USP8: variants seen among roughly 807,000 people sequenced by gnomAD.
USP8 encodes ubiquitin carboxyl-terminal hydrolase 8.
In USP8, 27 loss-of-function variants were observed where a neutral mutation model predicts 130.0. The observed-to-expected ratio is 0.21, with a 90% CI of 0.15 to 0.29. The LOEUF is 0.29. Among genes scored for constraint, USP8 ranks in the 10% least tolerant of loss-of-function variants. USP8 has a pLI of 1.00. For missense variants in USP8, 1,029 were observed against 1,312.2 expected (o/e 0.78, Z 3.33); for synonymous variants, 392 against 444.1 (o/e 0.88, Z 1.48).
intron 10 of USP8, among the ~76,000 whole-genome samples, chr15:50,479,931 G>A (rs959335332): frequency 6.6e-6 from 1 of 151,876 alleles, no homozygotes; most frequent in Non-Finnish European, 1.5e-5. Context: ...GCTAATTTTT[G>A]TATTTTTTTT....
Position 50,482,047 on chromosome 15 carries a change from G to A in USP8, c.1785G>A (p.Gly595=). 2 of 1,506,416 alleles carry A rather than the reference G, an allele frequency of 1.3e-6. No individual in the cohort carries two copies. Among genetic ancestry groups the A allele is most frequent in the Non-Finnish European group, 1.8e-6 (2 of 1,133,264 alleles). The allele number at this position is 1,506,416 out of a possible 1,614,324, so 93.3% of individuals were successfully genotyped here. The change falls in exon 11 of 20, where the codon GGG becomes GGA. Residue 595 remains glycine (G), a synonymous_variant. Transcript: ENST00000307179. ...TGDVPHTSVT[G]DSGSGKPFKI... ...ATGTGCCCCATACATCTGTGACAGG[G>A]GATTCAGGTTCAGGCAAGGTAAGCA... is the stretch of plus-strand genomic sequence containing the variant.
intron 11 of USP8, 92 bp downstream of exon 11, chr15:50,482,157 A>G (rs894723550): frequency 7.4e-6 from 9 of 1,217,820 alleles, no homozygotes; most frequent in Non-Finnish European, 9.9e-6. Flanking sequence ...AAGGGCAGGC[A>G]TTTCAAATAG....
Position 50,481,527 on chromosome 15 carries a change from G to A in USP8, c.1265G>A (p.Arg422Lys). The change falls in exon 11 of 20, where the codon AGA (arginine) becomes AAA (lysine). Residue 422 changes from arginine to lysine, a missense_variant. This residue lies in a region of USP8 where 486 missense variants were observed against 522.0 expected (regional missense o/e 0.93). Transcript: ENST00000307179. Reference protein sequence around the residue: ...KPAVKLPEEHRIKSESTNHEQ... With the variant: ...KPAVKLPEEHKIKSESTNHEQ... ...GCAGTCAAATTGCCTGAAGAGCATA[G>A]AATAAAATCTGAAAGTACAAACCAT... The A allele has an allele frequency of 6.2e-7, 1 of 1,609,242 alleles. No individual in the cohort carries two copies. The highest frequency in any genetic ancestry group is 1.1e-5 in the South Asian group (1 of 89,608).
At chr15:50,444,124 G>T (rs1349678085) in intron 3 of USP8, among the ~76,000 whole-genome samples, 3 of 134,260 alleles carry the variant, frequency 2.2e-5, no homozygotes, top group African/African-American at 2.8e-5. Flanking sequence ...TTTTTTTAAG[G>T]TGACAGTCTT....
At chr15:50,438,386 C>T (rs538731171) in intron 1 of USP8, among the ~76,000 whole-genome samples, 3 of 152,290 alleles carry the variant, frequency 2.0e-5, no homozygotes, top group African/African-American at 7.2e-5. Context: ...GAGTTTGAGA[C>T]CAGCCTGGCC....
intron 5 of USP8, among the ~76,000 whole-genome samples, chr15:50,460,970 A>G (rs143831305): frequency 6.6e-6 from 1 of 151,596 alleles, no homozygotes; most frequent in African/African-American, 2.4e-5. Flanking sequence ...CAGCCTGGGC[A>G]ACATGGAAAA....
chr15:50,424,694 T>C (rs1218365717), intron 1 of USP8, 180 bp downstream of exon 1: 11 of 393,452 alleles, frequency 2.8e-5, no homozygotes, highest in Non-Finnish European at 4.9e-5. Context: ...CAACCTTGAG[T>C]CTTTTACGCC....
At chr15:50,498,118 A>G (rs980590863) in intron 18 of USP8, among the ~76,000 whole-genome samples, 5 of 152,204 alleles carry the variant, frequency 3.3e-5, no homozygotes, top group Admixed American at 6.5e-5. Context: ...CAACCAAGAT[A>G]TCATTGTTTT....
rs923741782 is a variant in USP8 at position 50,508,550 on chromosome 15, CA to C, written c.*9463del. 1 of 152,002 alleles carries C rather than the reference CA, an allele frequency of 6.6e-6. No individual in the cohort carries two copies. Among genetic ancestry groups the C allele is most frequent in the Non-Finnish European group, 1.5e-5 (1 of 68,000 alleles). The allele number at this position is 152,002 out of a possible 1,614,324, so 9.4% of individuals were successfully genotyped here. On this transcript the variant is annotated 3_prime_UTR_variant, in exon 20 of 20. Coordinates refer to ENST00000307179, the MANE Select transcript of USP8 (RefSeq NM_005154.5). ...ATAGACTGAGTGTTAATACACTGGA[CA>C]CTCAGTTTAAAACATTAAAACATAA...
chr15:50,498,516 T>C, intron 18 of USP8, 80 bp from the exon 19 acceptor site: 1 of 1,460,456 alleles, frequency 6.8e-7, no homozygotes, highest in Non-Finnish European at 9.1e-7. Context: ...CAGTCCTGGC[T>C]AAAAATCTAG....
chr15:50,445,544 T>TCAAAAAAAAAAAAAAA (rs2050401758), intron 3 of USP8, among the ~76,000 whole-genome samples: 1 of 908 alleles, frequency 1.1e-3, no homozygotes, highest in African/African-American at 2.6e-3. Context: ...AGAGTCTGTC[T>TCAAAAAAAAAAAAAAA]CAAAAAAAAA....
chr15:50,456,367 C>T (rs559147787), intron 4 of USP8, among the ~76,000 whole-genome samples: 1 of 148,308 alleles, frequency 6.7e-6, no homozygotes, highest in East Asian at 2.0e-4. Flanking sequence ...GTCAGGAGTT[C>T]AAGACCGGCC....
At position 50,478,050 on chromosome 15, in the gene USP8, A is replaced by G. The variant is rs181325881; in HGVS notation, c.1218+551A>G. Reference sequence around the variant, plus strand: ...CAAGCCAGTTGGCGATCCATTTGCTACAAACAATGCCAATGAAAGATTGCA... The same window carrying G: ...CAAGCCAGTTGGCGATCCATTTGCTGCAAACAATGCCAATGAAAGATTGCA... On this transcript the variant is annotated intron_variant, in intron 10 of 19. Transcript: ENST00000307179. Among the ~76,000 whole-genome samples, 646 of 152,336 alleles carry G rather than the reference A, an allele frequency of 4.2e-3. 2 individuals carry two copies. Among genetic ancestry groups the G allele is most frequent in the Non-Finnish European group, 8.2e-3 (557 of 68,028 alleles).
At chr15:50,460,780 G>C (rs1229542673) in intron 5 of USP8, among the ~76,000 whole-genome samples, 2 of 152,096 alleles carry the variant, frequency 1.3e-5, no homozygotes, top group Non-Finnish European at 2.9e-5. Flanking sequence ...AAATCCATGG[G>C]AAAATTTCTG....
chr15:50,481,420 A>G lies in USP8; in HGVS notation c.1219-61A>G, dbSNP rs1244348397. On this transcript the variant is annotated intron_variant, in intron 10 of 19. Transcript: ENST00000307179. ...CTTCTTTTATCACAACTTGATCTCA[A>G]GAACTGAGGTTATTTCCTGATTTTT... The G allele has an allele frequency of 4.0e-6, 5 of 1,251,954 alleles. No homozygotes were observed. In the East Asian group the frequency reaches 1.3e-4, roughly 33 times the overall value. 77.6% of individuals were successfully genotyped at this position (1,251,954 alleles called of 1,614,324 possible). A position where few individuals can be genotyped will look rare whatever the true frequency, so the allele number is the denominator to read the frequency against.
chr15:50,428,032 C>G (rs772142169), intron 1 of USP8, among the ~76,000 whole-genome samples: 1 of 151,890 alleles, frequency 6.6e-6, no homozygotes, highest in Non-Finnish European at 1.5e-5. Context: ...TAATACCATA[C>G]TAATTCAAGT....
rs541947545 is a variant in USP8 at position 50,439,190 on chromosome 15, C to T, written c.104+13C>T. The T allele has an allele frequency of 1.4e-6, 2 of 1,402,124 alleles. No individual in the cohort carries two copies. The highest frequency in any genetic ancestry group is 2.6e-5 in the East Asian group (1 of 37,876). The allele number at this position is 1,402,124 out of a possible 1,614,324, so 86.9% of individuals were successfully genotyped here. ...TAAGCACTAAGAGGTATGATGTATC[C>T]TTCGCTAGTTTGATTGAATCAAATA... On this transcript the variant is annotated intron_variant, in intron 2 of 19. Coordinates refer to ENST00000307179, the MANE Select transcript of USP8 (RefSeq NM_005154.5).
chr15:50,450,723 G>C (rs776149611), intron 4 of USP8, among the ~76,000 whole-genome samples: 2 of 151,732 alleles, frequency 1.3e-5, no homozygotes, highest in Non-Finnish European at 2.9e-5. Flanking sequence ...TGCCTGCCTC[G>C]GCCTCCCAAA....
At position 50,505,668 on chromosome 15, in the gene USP8, T is replaced by G. The variant is rs1566900870; in HGVS notation, c.*6580T>G. On this transcript the variant is annotated 3_prime_UTR_variant, in exon 20 of 20. Coordinates refer to ENST00000307179, the MANE Select transcript of USP8 (RefSeq NM_005154.5). Reference sequence around the variant, plus strand: ...TCTCCTTTGGAGGCATATTAAAAAATTAAAAACCGGCTGGGCATGGTGGTT... The same window carrying G: ...TCTCCTTTGGAGGCATATTAAAAAAGTAAAAACCGGCTGGGCATGGTGGTT... 6.6e-6 allele frequency: 1 copy of G among 152,082 alleles called. No homozygotes were observed. The allele number at this position is 152,082 out of a possible 1,614,324, so 9.4% of individuals were successfully genotyped here.
Sources: gnomAD v4.1 joint callset for allele counts (sites outside exome capture counted in the v4.1 genomes callset) on GRCh38, gnomAD v4.1.1 for gene constraint, gnomAD v4.1.1 regional missense constraint, MANE v1.5 for transcripts, NCBI Gene and HGNC (gene_info 2026-07-23, HGNC 2026-07-21) for gene names.